The following SYT1 variants were observed in gnomAD, a reference collection of about 807,000 sequenced individuals.
SYT1 encodes synaptotagmin-1.
A neutral mutation model predicts 44.8 loss-of-function variants in SYT1; 8 were observed. The observed-to-expected ratio is 0.18, with a 90% CI of 0.10 to 0.32. The LOEUF (loss-of-function observed/expected upper bound fraction) is 0.32. Among genes scored for constraint, SYT1 ranks in the 10% least tolerant of loss-of-function variants. The probability of loss-of-function intolerance (pLI) is 1.00; values close to 1 mark genes in which losing one functional copy is unlikely to be tolerated. For synonymous variants in SYT1, 154 were observed against 188.8 expected (o/e 0.82, Z 1.51); for missense variants, 286 against 509.3 (o/e 0.56, Z 4.22).
rs374142982 is a variant in SYT1, at chr12:79,446,000, T to C, written c.1062+1794T>C. Among the ~76,000 whole-genome samples the C allele has an allele frequency of 1.3e-4, 11 of 85,220 alleles. 1 individual carries two copies. The highest frequency in any genetic ancestry group is 2.6e-4 in the Non-Finnish European group (11 of 42,086). The allele number at this position is 85,220 out of a possible 152,430, so 55.9% of individuals were successfully genotyped here. The stretch of plus-strand genomic sequence containing the variant: ...ACATTAATCCAAAGACATATATATA[T>C]ATATATATATATATATATATATATA... On this transcript the variant is annotated intron_variant, in intron 10 of 10. Transcript: ENST00000261205.
chr12:79,445,329 C>T (rs1221247365), intron 10 of SYT1, among the ~76,000 whole-genome samples: 1 of 151,978 alleles, frequency 6.6e-6, no homozygotes, highest in African/African-American at 2.4e-5. Context: ...CAATATCCTA[C>T]TTGTAGCTAT....
intron 10 of SYT1, among the ~76,000 whole-genome samples, chr12:79,446,034 T>TACATA (rs1491131045): frequency 6.1e-5 from 7 of 115,520 alleles, no homozygotes; most frequent in South Asian, 5.4e-4. Flanking sequence ...TATATATATA[T>TACATA]TATGCCTAGG....
chr12:78,963,972 G>A lies in SYT1; in HGVS notation c.-216-13827G>A, dbSNP rs1412439174. The A allele has an allele frequency of 4.6e-5, 7 of 152,208 alleles. No individual in the cohort carries two copies. In the East Asian group the frequency reaches 1.3e-3, roughly 29 times the overall value. 9.4% of individuals were successfully genotyped at this position (152,208 alleles called of 1,614,324 possible). A position where few individuals can be genotyped will look rare whatever the true frequency, so the allele number is the denominator to read the frequency against. Reference sequence around the variant, plus strand: ...TTTAAATGTAGTATATACATACAATGGACTACTGTTCCACTCTCACTTTGC... The same window carrying A: ...TTTAAATGTAGTATATACATACAATAGACTACTGTTCCACTCTCACTTTGC... On this transcript the variant is annotated intron_variant, in intron 1 of 10. Transcript: ENST00000261205.
At chr12:78,895,756 T>C (rs1050824267) in intron 1 of SYT1, among the ~76,000 whole-genome samples, 1 of 151,862 alleles carries the variant, frequency 6.6e-6, no homozygotes, top group Non-Finnish European at 1.5e-5. Flanking sequence ...TGCTAAAATA[T>C]TATTTCAAGT....
chr12:79,245,406 C>T (rs1483818817), intron 4 of SYT1, among the ~76,000 whole-genome samples: 8 of 139,284 alleles, frequency 5.7e-5, no homozygotes, highest in African/African-American at 2.2e-4. Flanking sequence ...ACCCGGGAAG[C>T]GGAGCTGCAA....
chr12:79,415,708 T>C (rs560407621), intron 9 of SYT1, among the ~76,000 whole-genome samples: 1 of 152,316 alleles, frequency 6.6e-6, no homozygotes, highest in South Asian at 2.1e-4. Flanking sequence ...CAAGGGAACC[T>C]ATAACATAAT....
At chr12:78,974,969 G>A (rs1192310608) in intron 1 of SYT1, among the ~76,000 whole-genome samples, 2 of 151,922 alleles carry the variant, frequency 1.3e-5, no homozygotes, top group Non-Finnish European at 2.9e-5. Context: ...ATCATCCTCC[G>A]TGTTTCTCTA....
intron 1 of SYT1, among the ~76,000 whole-genome samples, chr12:78,885,914 G>A (rs532218829): frequency 1.7e-4 from 26 of 152,100 alleles, no homozygotes; most frequent in Non-Finnish European, 2.9e-4. Context: ...TATGATGGAA[G>A]CAAAATACAT....
chr12:78,962,377 A>G (rs1017939404), intron 1 of SYT1, among the ~76,000 whole-genome samples: 15 of 143,860 alleles, frequency 1.0e-4, no homozygotes, highest in African/African-American at 3.9e-4. Context: ...TAATAGCATC[A>G]CTTCGTGGGT....
At chr12:79,022,436 C>G (rs1373735199) in intron 2 of SYT1, among the ~76,000 whole-genome samples, 2 of 151,722 alleles carry the variant, frequency 1.3e-5, no homozygotes, top group African/African-American at 4.8e-5. Context: ...ATTATAATAC[C>G]ATTTAAAATC....
intron 2 of SYT1, among the ~76,000 whole-genome samples, chr12:79,039,601 AT>A (rs1873382092): frequency 6.7e-6 from 1 of 150,070 alleles, no homozygotes; most frequent in East Asian, 2.0e-4. Context: ...TTATTTTTTT[AT>A]TTTTTATTTA....
chr12:79,389,938 T>C (rs1211185338), intron 9 of SYT1, among the ~76,000 whole-genome samples: 3 of 151,952 alleles, frequency 2.0e-5, no homozygotes, highest in Non-Finnish European at 2.9e-5. Context: ...TCTTTTTTTT[T>C]TTTCTTTTTT....
At chr12:79,352,401 A>G (rs1882946820) in intron 8 of SYT1, among the ~76,000 whole-genome samples, 1 of 152,170 alleles carries the variant, frequency 6.6e-6, no homozygotes, top group South Asian at 2.1e-4. Flanking sequence ...CTATCTGCAG[A>G]AGTCTGACAT....
chr12:79,047,193 T>C (rs1050022342), intron 2 of SYT1, 104 bp from the exon 3 acceptor site: 10 of 151,556 alleles, frequency 6.6e-5, no homozygotes, highest in African/African-American at 2.4e-4. Context: ...TATAGTAAAA[T>C]TTTAAGTAGA....
chr12:79,107,066 A>G (rs1032077843), intron 3 of SYT1, among the ~76,000 whole-genome samples: 24 of 152,172 alleles, frequency 1.6e-4, no homozygotes, highest in Admixed American at 3.3e-4. Context: ...TTAAGAAATA[A>G]TAAAACTTAT....
intron 3 of SYT1, among the ~76,000 whole-genome samples, chr12:79,065,528 C>T (rs1312500112): frequency 6.6e-6 from 1 of 152,074 alleles, no homozygotes; most frequent in Non-Finnish European, 1.5e-5. Flanking sequence ...CATTTTCTTC[C>T]TCTCTACTGA....
chr12:79,046,173 C>T (rs943385671), intron 2 of SYT1: 7 of 152,096 alleles, frequency 4.6e-5, no homozygotes, highest in Non-Finnish European at 1.0e-4. Flanking sequence ...AAAAGCAGAT[C>T]TTGGAGATTT....
intron 1 of SYT1, among the ~76,000 whole-genome samples, chr12:78,921,217 C>A (rs1037997): frequency 0.13 from 20,349 of 151,806 alleles, 2,284 homozygotes; most frequent in African/African-American, 0.3. Context: ...TAGGGGAATA[C>A]TTTAGAGTAG....
chr12:79,203,095 ATT>A (rs67136459), intron 3 of SYT1, among the ~76,000 whole-genome samples: 1,700 of 152,106 alleles, frequency 0.011, 28 homozygotes, highest in African/African-American at 0.031. Context: ...GGAAAAAAAA[ATT>A]TTTTTATTGT....
Sources: gnomAD v4.1 joint callset for allele counts (sites outside exome capture counted in the v4.1 genomes callset) on GRCh38, gnomAD v4.1.1 for gene constraint, MANE v1.5 for transcripts, NCBI Gene and HGNC (gene_info 2026-07-23, HGNC 2026-07-21) for gene names.